BEND4: variants seen among roughly 807,000 people sequenced by gnomAD.
BEND4 encodes BEN domain containing 4, also known as BEN domain-containing protein 4.
Under a neutral mutation model 54.7 loss-of-function variants are expected in BEND4, and 27 were observed. That is an observed-to-expected ratio of 0.49 (90% CI 0.36 to 0.68). BEND4 has a LOEUF of 0.68. Ranked by LOEUF, BEND4 falls within the 30% of genes least tolerant of loss-of-function variation. The probability of loss-of-function intolerance (pLI) is 0.00; values close to 1 mark genes in which losing one functional copy is unlikely to be tolerated. For missense variants in BEND4, 702 were observed against 697.2 expected (o/e 1.01, Z -0.08); for synonymous variants, 327 against 299.5 (o/e 1.09, Z -0.95).
chr4:42,120,298 G>C lies in BEND4; in HGVS notation c.1147-4C>G. On this transcript the variant is annotated splice_region_variant and splice_polypyrimidine_tract_variant and intron_variant, in intron 4 of 5. Transcript: ENST00000502486. ...TGTTCAACAGCTGCTTGCTTCCCTG[G>C]AAAAGCGAAATATTTTCTCATTACC... 1.9e-6 allele frequency: 3 copies of C among 1,591,466 alleles called. No individual in the cohort carries two copies. Among genetic ancestry groups the C allele is most frequent in the Non-Finnish European group, 2.6e-6 (3 of 1,161,518 alleles).
chr4:42,123,462 TG>T (rs1720139352), intron 4 of BEND4, among the ~76,000 whole-genome samples: 1 of 151,698 alleles, frequency 6.6e-6, no homozygotes. Flanking sequence ...CATCATCAAA[TG>T]GAAGACACAG....
intron 4 of BEND4, among the ~76,000 whole-genome samples, chr4:42,124,499 G>A (rs775721142): frequency 1.3e-5 from 2 of 152,278 alleles, no homozygotes; most frequent in East Asian, 3.9e-4. Context: ...GGAACCAGGA[G>A]AAAGTACTGA....
chr4:42,127,593 C>T lies in BEND4; in HGVS notation c.1055-1919G>A, dbSNP rs910065834. 3.7e-4 allele frequency among the ~76,000 whole-genome samples: 57 copies of T among 152,238 alleles called. 1 individual carries two copies. The highest frequency in any genetic ancestry group is 3.4e-3 in the Middle Eastern group (1 of 294). On this transcript the variant is annotated intron_variant, in intron 3 of 5. Transcript: ENST00000502486. ...AGGAAACAGGTCTGCATTTTAGTTC[C>T]GGGTTTTTCACTGATTGTGTGACCT...
intron 3 of BEND4, among the ~76,000 whole-genome samples, chr4:42,134,263 A>G (rs904939780): frequency 6.6e-6 from 1 of 152,236 alleles, no homozygotes; most frequent in Non-Finnish European, 1.5e-5. Flanking sequence ...TCAAGGACTT[A>G]AAACATCTCA....
At chr4:42,145,833 T>G (rs907766562) in intron 2 of BEND4, among the ~76,000 whole-genome samples, 14 of 152,140 alleles carry the variant, frequency 9.2e-5, no homozygotes, top group African/African-American at 3.1e-4. Context: ...TTCTACTCAG[T>G]AGAGGATCAT....
At chr4:42,126,645 C>T (rs1720298028) in intron 3 of BEND4, among the ~76,000 whole-genome samples, 1 of 152,208 alleles carries the variant, frequency 6.6e-6, no homozygotes, top group African/African-American at 2.4e-5. Context: ...TGTACCACTA[C>T]ATAAATAATG....
intron 2 of BEND4, 187 bp from the exon 3 acceptor site, chr4:42,144,181 G>T: frequency 9.5e-6 from 6 of 633,054 alleles, no homozygotes; most frequent in Non-Finnish European, 1.7e-5. Flanking sequence ...CTGCGACTGC[G>T]GGATGCTTGC....
At chr4:42,139,576 A>T (rs987034222) in intron 3 of BEND4, among the ~76,000 whole-genome samples, 2 of 151,040 alleles carry the variant, frequency 1.3e-5, no homozygotes, top group African/African-American at 4.9e-5. Context: ...TCCCAGGTAT[A>T]AAGGCTTTAT....
intron 3 of BEND4, among the ~76,000 whole-genome samples, chr4:42,129,726 T>C (rs557024535): frequency 3.6e-4 from 55 of 152,254 alleles, no homozygotes; most frequent in African/African-American, 1.3e-3. Context: ...AAAAAGTAAC[T>C]CAAGGTGGAT....
rs1719735514 is a variant in BEND4 at position 42,114,877 on chromosome 4, C to T, written c.*2641G>A. The T allele has an allele frequency of 6.6e-6, 1 of 152,432 alleles. No individual in the cohort carries two copies. Among genetic ancestry groups the T allele is most frequent in the Admixed American group, 6.5e-5 (1 of 15,272 alleles). The allele number at this position is 152,432 out of a possible 1,614,324, so 9.4% of individuals were successfully genotyped here. On this transcript the variant is annotated 3_prime_UTR_variant, in exon 6 of 6. Coordinates refer to ENST00000502486, the MANE Select transcript of BEND4 (RefSeq NM_207406.4). Reference sequence around the variant, plus strand: ...GTGGATATGTCCCAAGGAGAGGAGCCAGCAGTGTCCACAGTGATGCTGTAT... The same window carrying T: ...GTGGATATGTCCCAAGGAGAGGAGCTAGCAGTGTCCACAGTGATGCTGTAT...
chr4:42,132,239 G>T (rs573307302), intron 3 of BEND4, among the ~76,000 whole-genome samples: 1 of 152,106 alleles, frequency 6.6e-6, no homozygotes, highest in Admixed American at 6.5e-5. Context: ...TGGCCTTCAC[G>T]GGTGGGGTAA....
intron 3 of BEND4, among the ~76,000 whole-genome samples, chr4:42,141,252 T>C (rs1432525129): frequency 6.6e-6 from 1 of 152,246 alleles, no homozygotes; most frequent in East Asian, 1.9e-4. Context: ...CAATTGCACT[T>C]AATCTAATTC....
intron 3 of BEND4, among the ~76,000 whole-genome samples, chr4:42,139,175 T>C (rs889723637): frequency 6.6e-6 from 1 of 152,196 alleles, no homozygotes; most frequent in Non-Finnish European, 1.5e-5. Flanking sequence ...GCTTATAAAA[T>C]TTCACTCTTT....
intron 3 of BEND4, among the ~76,000 whole-genome samples, chr4:42,132,154 A>G (rs115095779): frequency 0.03 from 4,546 of 152,272 alleles, 84 homozygotes; most frequent in African/African-American, 0.037. Context: ...ATTGTGGAAA[A>G]CCTCCTGTCC....
chr4:42,112,540 C>T lies in BEND4; in HGVS notation c.*4978G>A, dbSNP rs562218320. On this transcript the variant is annotated 3_prime_UTR_variant, in exon 6 of 6. Transcript: ENST00000502486. ...GAGGATCTGTGATTCAATAAAAACACAGCCCTTATATCAGACAGCTATAGA... is the reference window on the plus strand; with the variant it reads ...GAGGATCTGTGATTCAATAAAAACATAGCCCTTATATCAGACAGCTATAGA... The T allele has an allele frequency of 2.9e-4, 44 of 152,260 alleles. 1 individual carries two copies. The highest frequency in any genetic ancestry group is 2.6e-3 in the Admixed American group (39 of 15,280). 9.4% of individuals were successfully genotyped at this position (152,260 alleles called of 1,614,324 possible).
At chr4:42,119,899 T>G in intron 5 of BEND4, 155 bp downstream of exon 5, 2 of 900,738 alleles carry the variant, frequency 2.2e-6, no homozygotes, top group East Asian at 5.4e-5. Flanking sequence ...TTAAAAGAGC[T>G]TCTCAAGACT....
chr4:42,151,381 G>C (rs912640798), intron 2 of BEND4: 5 of 268,326 alleles, frequency 1.9e-5, no homozygotes, highest in Non-Finnish European at 3.5e-5. Flanking sequence ...CCACGCCCGA[G>C]CGATCCTGGT....
Position 42,113,822 on chromosome 4 carries a change from A to G in BEND4, c.*3696T>C, listed in dbSNP as rs952683386. 6.6e-6 allele frequency: 1 copy of G among 152,194 alleles called. No homozygotes were observed. Among genetic ancestry groups the G allele is most frequent in the African/African-American group, 2.4e-5 (1 of 41,438 alleles). The allele number at this position is 152,194 out of a possible 1,614,324, so 9.4% of individuals were successfully genotyped here. On this transcript the variant is annotated 3_prime_UTR_variant, in exon 6 of 6. Coordinates refer to ENST00000502486, the MANE Select transcript of BEND4 (RefSeq NM_207406.4). ...CTCTACAGCCGTGAAGTAGCTACAA[A>G]TATGTCTCGAATCCCCTACAAAAGG...
chr4:42,123,538 C>T lies in BEND4; in HGVS notation c.1146+2045G>A, dbSNP rs142758105. On this transcript the variant is annotated intron_variant, in intron 4 of 5. Coordinates refer to ENST00000502486, the MANE Select transcript of BEND4 (RefSeq NM_207406.4). Reference sequence around the variant, plus strand: ...TAGACTGCTTTGTGCCACACAGGCACAAAGCAGGGGTGTGGCAGTCAGGGA... The same window carrying T: ...TAGACTGCTTTGTGCCACACAGGCATAAAGCAGGGGTGTGGCAGTCAGGGA... Among the ~76,000 whole-genome samples the T allele has an allele frequency of 6.3e-3, 949 of 151,782 alleles. 11 individuals are homozygous for T. Among genetic ancestry groups the T allele is most frequent in the African/African-American group, 0.022 (898 of 41,414 alleles).
Sources: allele counts gnomAD v4.1 joint callset (sites outside exome capture counted in the v4.1 genomes callset), GRCh38; gene constraint gnomAD v4.1.1; transcripts MANE v1.5; gene names NCBI Gene and HGNC (gene_info 2026-07-23, HGNC 2026-07-21).